Variants in WWP1 observed in about 807,000 individuals in gnomAD.
WWP1 encodes NEDD4-like E3 ubiquitin-protein ligase WWP1.
WWP1 carries 49 observed loss-of-function variants against 130.6 expected under a neutral mutation model. The observed-to-expected ratio is 0.38, with a 90% CI of 0.30 to 0.48. WWP1 has a LOEUF of 0.48. Ranked by LOEUF, WWP1 falls within the 20% of genes least tolerant of loss-of-function variation. The pLI is 0.99. For missense variants in WWP1, 809 were observed against 1,100.6 expected (o/e 0.74, Z 3.75); for synonymous variants, 332 against 367.8 (o/e 0.90, Z 1.11).
chr8:86,458,499 C>T (rs1263314599), intron 22 of WWP1, among the ~76,000 whole-genome samples: 1 of 152,014 alleles, frequency 6.6e-6, no homozygotes, highest in Non-Finnish European at 1.5e-5. Flanking sequence ...TTTGCTTAAA[C>T]TATAATAGGA....
intron 2 of WWP1, among the ~76,000 whole-genome samples, chr8:86,372,703 A>G (rs1824395677): frequency 6.6e-6 from 1 of 152,018 alleles, no homozygotes; most frequent in African/African-American, 2.4e-5. Context: ...CTGCATTGCT[A>G]CATCTTTTAT....
chr8:86,431,374 T>C, intron 12 of WWP1, 32 bp from the exon 13 acceptor site: 1 of 1,275,000 alleles, frequency 7.8e-7, no homozygotes, highest in South Asian at 1.7e-5. Flanking sequence ...TCCTAAATAG[T>C]TATTAAATAT....
At chr8:86,343,564 A>C (rs1345687959) in intron 1 of WWP1, among the ~76,000 whole-genome samples, 1 of 151,988 alleles carries the variant, frequency 6.6e-6, no homozygotes, top group Non-Finnish European at 1.5e-5. Context: ...TTTTAAAAAA[A>C]TTTAATTTTG....
intron 11 of WWP1, among the ~76,000 whole-genome samples, chr8:86,428,793 G>A (rs775232590): frequency 3.9e-5 from 6 of 152,062 alleles, no homozygotes; most frequent in Non-Finnish European, 5.9e-5. Flanking sequence ...TAATTATACC[G>A]TGTGGTATAT....
chr8:86,465,811 A>G (rs1044378107), intron 24 of WWP1, among the ~76,000 whole-genome samples: 5 of 152,178 alleles, frequency 3.3e-5, no homozygotes, highest in Non-Finnish European at 7.3e-5. Flanking sequence ...AGGGCAGTAT[A>G]TGGTCTGCTT....
chr8:86,453,767 G>A (rs926948354), intron 21 of WWP1, among the ~76,000 whole-genome samples: 3 of 151,686 alleles, frequency 2.0e-5, no homozygotes, highest in South Asian at 4.2e-4. Flanking sequence ...GGGTGTGAGG[G>A]GATATCTCAT....
intron 14 of WWP1, among the ~76,000 whole-genome samples, chr8:86,433,197 T>G (rs1438211678): frequency 6.6e-6 from 1 of 151,874 alleles, no homozygotes; most frequent in East Asian, 1.9e-4. Context: ...TCTATCTTTA[T>G]TTTGTCGAGT....
intron 18 of WWP1, among the ~76,000 whole-genome samples, chr8:86,445,985 T>C (rs867391557): frequency 6.1e-5 from 8 of 132,004 alleles, no homozygotes; most frequent in African/African-American, 1.8e-4. Flanking sequence ...TCTTTTTTTT[T>C]TTTTTTTTTT....
chr8:86,458,007 A>G lies in WWP1; in HGVS notation c.2481A>G (p.Gln827=). 2 of 1,611,852 alleles carry G rather than the reference A, an allele frequency of 1.2e-6. No homozygotes were observed. The highest frequency in any genetic ancestry group is 1.1e-5 in the South Asian group (1 of 90,836). Residue 827 remains glutamine, a synonymous_variant, in exon 22 of 25, where the codon CAA becomes CAG. Transcript: ENST00000517970. ...VYRHYTRNSK[Q]IIWFWQFVKE... is the part of the protein sequence containing the mutation. ...GACATTATACAAGAAACAGCAAGCA[A>G]ATCATTTGGTTTTGGCAGGTATTTG...
intron 2 of WWP1, among the ~76,000 whole-genome samples, chr8:86,373,782 G>A (rs1824470046): frequency 6.6e-6 from 1 of 152,022 alleles, no homozygotes; most frequent in Non-Finnish European, 1.5e-5. Flanking sequence ...CCAGTGCTTT[G>A]TCTGTTCCTG....
Position 86,380,742 on chromosome 8 carries a change from T to G in WWP1, c.87T>G (p.Leu29=). ...QLQVTVSSAK[L]KRKKNWFGTA... ...GTCTGTTAGTTTCTAGTGCCAAACT[T>G]AAAAGAAAAAAGAACTGGTTCGGAA... Residue 29 remains leucine, a synonymous_variant, in exon 4 of 25, where the codon CTT becomes CTG. Transcript: ENST00000517970. 6.2e-7 allele frequency: 1 copy of G among 1,608,850 alleles called. No homozygotes were observed. The highest frequency in any genetic ancestry group is 2.2e-5 in the East Asian group (1 of 44,726).
chr8:86,435,477 T>C lies in WWP1; in HGVS notation c.1627T>C (p.Tyr543His). 6.2e-7 allele frequency: 1 copy of C among 1,614,178 alleles called. No individual in the cohort carries two copies. Among genetic ancestry groups the C allele is most frequent in the Non-Finnish European group, 8.5e-7 (1 of 1,180,020 alleles). Residue 543 changes from tyrosine (Y) to histidine (H), a missense_variant, in exon 15 of 25, where the codon TAT (tyrosine) becomes CAT (histidine). Coordinates refer to ENST00000517970, the MANE Select transcript of WWP1 (RefSeq NM_007013.4). Reference sequence around the variant, plus strand: ...AACTAAAGGTGGTCCACAAATTGCTTATGAACGCGGCTTTAGGTGGAAGCT... The same window carrying C: ...AACTAAAGGTGGTCCACAAATTGCTCATGAACGCGGCTTTAGGTGGAAGCT... ...SVTKGGPQIA[Y>H]ERGFRWKLAH...
At chr8:86,426,987 C>T (rs1171506945) in intron 10 of WWP1, among the ~76,000 whole-genome samples, 3 of 151,820 alleles carry the variant, frequency 2.0e-5, no homozygotes, top group Non-Finnish European at 4.4e-5. Flanking sequence ...GTGGTGAAAC[C>T]CCCATCTTTA....
intron 7 of WWP1, among the ~76,000 whole-genome samples, chr8:86,400,228 A>G (rs1408754968): frequency 6.6e-6 from 1 of 152,020 alleles, no homozygotes; most frequent in African/African-American, 2.4e-5. Context: ...GCTACTCAGG[A>G]GTCTGAAGCA....
chr8:86,351,659 G>A (rs181190489), intron 1 of WWP1, among the ~76,000 whole-genome samples: 2 of 152,188 alleles, frequency 1.3e-5, no homozygotes, highest in Admixed American at 1.3e-4. Context: ...TGCTAAAAGG[G>A]TAAGCACGAA....
intron 9 of WWP1, among the ~76,000 whole-genome samples, chr8:86,424,032 C>G (rs62510791): frequency 0.37 from 52,743 of 143,406 alleles, 10,623 homozygotes; most frequent in Middle Eastern, 0.48. Flanking sequence ...GGCGGAGACG[C>G]TCCTCACTTC....
At chr8:86,441,282 G>T (rs542108058) in intron 17 of WWP1, among the ~76,000 whole-genome samples, 1 of 152,204 alleles carries the variant, frequency 6.6e-6, no homozygotes, top group African/African-American at 2.4e-5. Context: ...CATCATAGAG[G>T]GAAGTCACTT....
chr8:86,390,958 G>A (rs1008778208), intron 5 of WWP1, among the ~76,000 whole-genome samples: 3 of 151,942 alleles, frequency 2.0e-5, no homozygotes, highest in African/African-American at 7.3e-5. Flanking sequence ...TGATATATTT[G>A]GGGTAATGGT....
At chr8:86,353,920 G>A (rs1823103526) in intron 1 of WWP1, among the ~76,000 whole-genome samples, 1 of 152,186 alleles carries the variant, frequency 6.6e-6, no homozygotes, top group Non-Finnish European at 1.5e-5. Context: ...CGAACAGAAC[G>A]TATATATTAT....
Sources: allele counts gnomAD v4.1 joint callset (sites outside exome capture counted in the v4.1 genomes callset), GRCh38; gene constraint gnomAD v4.1.1; transcripts MANE v1.5; gene names NCBI Gene and HGNC (gene_info 2026-07-23, HGNC 2026-07-21).